The following ADCY10 variants were observed in gnomAD, a reference collection of about 807,000 sequenced individuals.
The protein encoded by ADCY10 is adenylate cyclase 10.
A neutral mutation model predicts 183.3 loss-of-function variants in ADCY10; 156 were observed. The ratio of observed to expected loss-of-function variants is 0.85; its 90% CI spans 0.75 to 0.97. The LOEUF (loss-of-function observed/expected upper bound fraction) is 0.97. Among genes scored for constraint, ADCY10 ranks in the 50% least tolerant of loss-of-function variants. The probability of loss-of-function intolerance (pLI) is 0.00; values close to 1 mark genes in which losing one functional copy is unlikely to be tolerated. For synonymous variants in ADCY10, 645 were observed against 670.0 expected, an observed-to-expected ratio of 0.96 and a Z score of 0.58; for missense variants, 1,745 against 1,934.3, an observed-to-expected ratio of 0.90 and a Z score of 1.84.
At chr1:167,881,148 G>C (rs891683546) in intron 9 of ADCY10, among the ~76,000 whole-genome samples, 1 of 152,164 alleles carries the variant, frequency 6.6e-6, no homozygotes, top group African/African-American at 2.4e-5. Flanking sequence ...AAACTATAAA[G>C]TACTTTGCAG....
intron 1 of ADCY10, among the ~76,000 whole-genome samples, chr1:167,913,462 C>T (rs1216864978): frequency 6.6e-6 from 1 of 152,176 alleles, no homozygotes; most frequent in Admixed American, 6.5e-5. Context: ...AGCTTGCTTG[C>T]CTACTCTAGC....
chr1:167,856,085 A>T, intron 17 of ADCY10, 80 bp downstream of exon 17: 1 of 1,503,990 alleles, frequency 6.6e-7, no homozygotes, highest in Non-Finnish European at 9.2e-7. Flanking sequence ...ATCAAGACAC[A>T]TACTAAGAAA....
At chr1:167,880,306 C>A (rs1416725880) in intron 10 of ADCY10, 115 bp from the exon 11 acceptor site, 3 of 1,099,568 alleles carry the variant, frequency 2.7e-6, no homozygotes, top group African/African-American at 1.6e-5. Context: ...AGGATTTTCT[C>A]TACCCGTTGG....
chr1:167,895,576 G>T (rs138119329), intron 7 of ADCY10, among the ~76,000 whole-genome samples: 1 of 152,190 alleles, frequency 6.6e-6, no homozygotes, highest in African/African-American at 2.4e-5. Context: ...AATATTAGAT[G>T]CCTATTTGAC....
chr1:167,843,142 A>G (rs2101953941), intron 21 of ADCY10, among the ~76,000 whole-genome samples: 1 of 152,362 alleles, frequency 6.6e-6, no homozygotes, highest in South Asian at 2.1e-4. Context: ...ACATTTGGTC[A>G]TATATGTTCC....
At chr1:167,861,261 C>A (rs1033267873) in intron 14 of ADCY10, among the ~76,000 whole-genome samples, 198 bp from the exon 15 acceptor site, 5 of 152,110 alleles carry the variant, frequency 3.3e-5, no homozygotes, top group Admixed American at 3.3e-4. Context: ...ATTAATTTAA[C>A]CTAGCTAATT....
At chr1:167,872,140 G>C (rs181429276) in intron 13 of ADCY10, among the ~76,000 whole-genome samples, 1 of 152,080 alleles carries the variant, frequency 6.6e-6, no homozygotes, top group Non-Finnish European at 1.5e-5. Context: ...TCAGGAGTTC[G>C]AGACCAGCCT....
chr1:167,809,770 A>T lies in ADCY10; in HGVS notation c.4741T>A (p.Trp1581Arg). 1 of 1,614,190 alleles carries T rather than the reference A, an allele frequency of 6.2e-7. No homozygotes were observed. The highest frequency in any genetic ancestry group is 8.5e-7 in the Non-Finnish European group (1 of 1,180,014). Residue 1581 changes from tryptophan (W) to arginine (R), a missense_variant, in exon 33 of 33, where the codon TGG (tryptophan) becomes AGG (arginine). Coordinates refer to ENST00000367851, the MANE Select transcript of ADCY10 (RefSeq NM_018417.6). ...ACCCTGCCTGCTACAATTTTTTCCC[A>T]TGATGGGAGACTCAAGATCGTCTGA... Reference protein sequence around the residue: ...WLQTILSLPSWEKIVAGRVNI... With the variant: ...WLQTILSLPSREKIVAGRVNI...
At chr1:167,821,836 T>C (rs1295926510) in intron 30 of ADCY10, among the ~76,000 whole-genome samples, 188 bp downstream of exon 30, 3 of 152,198 alleles carry the variant, frequency 2.0e-5, no homozygotes, top group African/African-American at 7.2e-5. Flanking sequence ...AAATTTACTT[T>C]TCTGTCCTTG....
chr1:167,877,344 G>T (rs147165872), intron 12 of ADCY10, among the ~76,000 whole-genome samples: 3 of 151,480 alleles, frequency 2.0e-5, no homozygotes, highest in Non-Finnish European at 4.4e-5. Flanking sequence ...TATTCAAACT[G>T]CACTTTATTG....
At chr1:167,912,969 C>T (rs1670246098) in intron 1 of ADCY10, among the ~76,000 whole-genome samples, 1 of 152,190 alleles carries the variant, frequency 6.6e-6, no homozygotes, top group African/African-American at 2.4e-5. Flanking sequence ...TCTACTATAT[C>T]ATGCTATATC....
chr1:167,813,339 G>A (rs935883866), intron 31 of ADCY10, among the ~76,000 whole-genome samples: 1 of 151,698 alleles, frequency 6.6e-6, no homozygotes, highest in African/African-American at 2.4e-5. Flanking sequence ...AAGGCAGTGG[G>A]CCAATACATT....
chr1:167,905,253 T>G (rs1669734612), intron 1 of ADCY10, 55 bp from the exon 2 acceptor site: 1 of 1,279,310 alleles, frequency 7.8e-7, no homozygotes, highest in Non-Finnish European at 1.1e-6. Flanking sequence ...CTCATTTTCC[T>G]ATTGCTCTTT....
intron 21 of ADCY10, among the ~76,000 whole-genome samples, chr1:167,841,559 G>A (rs1055208297): frequency 2.9e-5 from 4 of 138,146 alleles, no homozygotes; most frequent in Admixed American, 7.8e-5. Context: ...CCAGGCTGGA[G>A]TATAGTAGGG....
rs1406357266 is a variant in ADCY10 at position 167,896,655 on chromosome 1, C to T, written c.679G>A (p.Asp227Asn). The change falls in exon 7 of 33, where the codon GAT (aspartate) becomes AAT (asparagine). Residue 227 changes from aspartate to asparagine, a missense_variant. Physicochemically the swap from Asp to Asn is conservative, Grantham distance 23 (BLOSUM62 1). Coordinates refer to ENST00000367851, the MANE Select transcript of ADCY10 (RefSeq NM_018417.6). ...GTCGTACACTTTGTGAAAAATTCAT[C>T]AAAATTAAAATTGGGGGGTGGTTTT... ...FLKPPPNFNF[D>N]EFFTKCTTFM... The T allele has an allele frequency of 6.2e-7, 1 of 1,613,470 alleles. No homozygotes were observed. Among genetic ancestry groups the T allele is most frequent in the South Asian group, 1.1e-5 (1 of 91,062 alleles).
Position 167,899,630 on chromosome 1 carries a change from TG to T in ADCY10, c.437-3del. 1 of 1,613,822 alleles carries T rather than the reference TG, an allele frequency of 6.2e-7. No individual in the cohort carries two copies. Among genetic ancestry groups the T allele is most frequent in the African/African-American group, 1.3e-5 (1 of 75,052 alleles). ...TGCTGATGTGGCCAGCAGCCAGTCC[TG>T]GCAAGAAGGCAAGGAATAGGTTTGC... On this transcript the variant is annotated splice_polypyrimidine_tract_variant and splice_region_variant and intron_variant, in intron 5 of 32. Coordinates refer to ENST00000367851, the MANE Select transcript of ADCY10 (RefSeq NM_018417.6).
intron 18 of ADCY10, among the ~76,000 whole-genome samples, chr1:167,849,015 G>A (rs1258051897): frequency 6.6e-6 from 1 of 151,664 alleles, no homozygotes; most frequent in Non-Finnish European, 1.5e-5. Context: ...GTCTCCCTCT[G>A]CCAACCCTGC....
chr1:167,866,530 CAAAAAAAA>C (rs57450280), intron 14 of ADCY10, among the ~76,000 whole-genome samples: 9 of 110,772 alleles, frequency 8.1e-5, no homozygotes, highest in South Asian at 2.9e-4. Flanking sequence ...CTCTATGTGC[CAAAAAAAA>C]AAAAAAAAAA....
At chr1:167,862,760 A>G (rs1454591811) in intron 14 of ADCY10, among the ~76,000 whole-genome samples, 1 of 152,234 alleles carries the variant, frequency 6.6e-6, no homozygotes, top group African/African-American at 2.4e-5. Context: ...CTCAGGCCTA[A>G]CTTTAATGTG....
Sources: gnomAD v4.1 joint callset for allele counts (sites outside exome capture counted in the v4.1 genomes callset) on GRCh38, gnomAD v4.1.1 for gene constraint, MANE v1.5 for transcripts, NCBI Gene and HGNC (gene_info 2026-07-23, HGNC 2026-07-21) for gene names.